PPP2R2D: variants seen among roughly 807,000 people sequenced by gnomAD.
The protein encoded by PPP2R2D is serine/threonine-protein phosphatase 2A 55 kDa regulatory subunit B delta isoform.
PPP2R2D carries 9 observed loss-of-function variants against 31.1 expected under a neutral mutation model. That is an observed-to-expected ratio of 0.29 (90% CI 0.17 to 0.51). The LOEUF (loss-of-function observed/expected upper bound fraction) is 0.51. Ranked by LOEUF, PPP2R2D falls within the 20% of genes least tolerant of loss-of-function variation. The pLI, the probability that PPP2R2D is intolerant of heterozygous loss-of-function variation, is 0.98. For missense variants in PPP2R2D, 391 were observed against 465.6 expected, an observed-to-expected ratio of 0.84 and a Z score of 1.48; for synonymous variants, 179 against 172.6, an observed-to-expected ratio of 1.04 and a Z score of -0.29.
chr10:131,952,568 C>CT (rs1472838621), intron 8 of PPP2R2D, among the ~76,000 whole-genome samples: 2 of 34,920 alleles, frequency 5.7e-5, no homozygotes, highest in Non-Finnish European at 4.5e-5. Flanking sequence ...GGGGGGTTCA[C>CT]TAGTGACTTG....
chr10:131,960,087 G>C (rs1469894909), downstream of PPP2R2D, among the ~76,000 whole-genome samples: 1 of 152,236 alleles, frequency 6.6e-6, no homozygotes, highest in Non-Finnish European at 1.5e-5. Flanking sequence ...CAGCAGTCCT[G>C]TCCGTTTCTG....
intron 2 of PPP2R2D, among the ~76,000 whole-genome samples, chr10:131,928,799 A>G (rs1433916318): frequency 1.3e-5 from 2 of 152,226 alleles, no homozygotes; most frequent in Non-Finnish European, 2.9e-5. Flanking sequence ...GTCTCAGGAT[A>G]TGAGCCATGC....
At chr10:131,904,918 C>G (rs1354449293) in intron 2 of PPP2R2D, among the ~76,000 whole-genome samples, 2 of 151,850 alleles carry the variant, frequency 1.3e-5, no homozygotes, top group Non-Finnish European at 2.9e-5. Context: ...TAGTTTTGGG[C>G]TGGGGAATCA....
At chr10:131,934,139 C>A (rs1589946799) in intron 2 of PPP2R2D, among the ~76,000 whole-genome samples, 1 of 151,688 alleles carries the variant, frequency 6.6e-6, no homozygotes, top group South Asian at 2.1e-4. Context: ...CTATTTTTTT[C>A]TTTTACAGAT....
the PPP2R2D span, chr10:131,968,628 C>T: frequency 1.1e-5 from 16 of 1,449,930 alleles, no homozygotes; most frequent in South Asian, 1.6e-4. Flanking sequence ...GACTGTGTTA[C>T]AGCTGAAACA....
intron 2 of PPP2R2D, chr10:131,912,275 T>G (rs2035697199): frequency 6.6e-6 from 1 of 152,230 alleles, no homozygotes; most frequent in Admixed American, 6.5e-5. Flanking sequence ...CACTGCAGCC[T>G]GATCAGGCTC....
chr10:131,938,206 T>A (rs2036379082), intron 3 of PPP2R2D, among the ~76,000 whole-genome samples: 1 of 152,258 alleles, frequency 6.6e-6, no homozygotes, highest in Admixed American at 6.5e-5. Context: ...CTTCTCCTGA[T>A]ACTTGATCAG....
chr10:131,913,649 G>C (rs1271821258), intron 2 of PPP2R2D, among the ~76,000 whole-genome samples: 1 of 152,130 alleles, frequency 6.6e-6, no homozygotes, highest in Non-Finnish European at 1.5e-5. Flanking sequence ...GCAATGTGTC[G>C]TTAGGCGATT....
intron 3 of PPP2R2D, among the ~76,000 whole-genome samples, chr10:131,936,813 A>G (rs562134048): frequency 7.6e-4 from 116 of 152,326 alleles, no homozygotes; most frequent in African/African-American, 2.6e-3. Flanking sequence ...GACAAACCCC[A>G]GGCAGCCTTT....
In PPP2R2D at chr10:131,947,791, G is replaced by T; in HGVS notation, c.1082G>T (p.Ser361Ile). ...GAGTGTTGCTGGAACGGTTCGGATA[G>T]GTAAGGCCTGCGTGGAGATGAGCTG... The part of the protein sequence containing the change: ...KFECCWNGSD[S>I]AIMTGSYNNF... The change falls in exon 8 of 9, where the codon AGC (serine) becomes ATC (isoleucine). Residue 361 changes from serine to isoleucine, a missense_variant and splice_region_variant. Coordinates refer to ENST00000455566, the MANE Select transcript of PPP2R2D (RefSeq NM_018461.5). This position sits in a 1 kb window ranked among gnomAD's most constrained non-coding sequence, Gnocchi z 4.3. 6.2e-7 allele frequency: 1 copy of T among 1,610,992 alleles called. No homozygotes were observed. Among genetic ancestry groups the T allele is most frequent in the South Asian group, 1.1e-5 (1 of 91,052 alleles).
chr10:131,935,821 T>G (rs564379314), intron 3 of PPP2R2D, among the ~76,000 whole-genome samples: 1 of 152,262 alleles, frequency 6.6e-6, no homozygotes, highest in Admixed American at 6.5e-5. Flanking sequence ...CCCAGCAATT[T>G]GGGAGGCCGA....
At chr10:131,955,652 G>C (rs2036779076) in intron 8 of PPP2R2D, 32 bp from the exon 9 acceptor site, 1 of 1,373,164 alleles carries the variant, frequency 7.3e-7, no homozygotes, top group African/African-American at 1.5e-5. Flanking sequence ...CCCCCACTGA[G>C]GAGTGCTGCT....
intron 2 of PPP2R2D, among the ~76,000 whole-genome samples, chr10:131,907,035 A>G (rs2035600813): frequency 6.6e-6 from 1 of 151,974 alleles, no homozygotes; most frequent in South Asian, 2.1e-4. Context: ...AATGTCTTTT[A>G]TATGTATATA....
At chr10:131,908,611 C>A (rs951515676) in intron 2 of PPP2R2D, among the ~76,000 whole-genome samples, 3 of 152,118 alleles carry the variant, frequency 2.0e-5, no homozygotes, top group Non-Finnish European at 4.4e-5. Flanking sequence ...CCTTTTTCAC[C>A]CTCTTCAGGC....
At position 131,944,084 on chromosome 10, in the gene PPP2R2D, T is replaced by C. The variant is rs572403390; in HGVS notation, c.594T>C (p.Tyr198=). 3.1e-5 allele frequency: 50 copies of C among 1,611,564 alleles called. No individual in the cohort carries two copies. Among genetic ancestry groups the C allele is most frequent in the Non-Finnish European group, 3.9e-5 (46 of 1,178,006 alleles). Residue 198 remains tyrosine (Y), a synonymous_variant, in exon 6 of 9, where the codon TAT becomes TAC. Transcript: ENST00000455566. ...SISVNSDHET[Y]LSADDLRINL... The stretch of plus-strand genomic sequence containing the variant: ...CAGTAAATAGTGATCATGAAACATA[T>C]CTTTCTGCAGATGACCTGAGAATTA...
the PPP2R2D span, chr10:131,970,555 G>GA: frequency 6.6e-7 from 1 of 1,514,708 alleles, no homozygotes; most frequent in Non-Finnish European, 8.9e-7. This position sits in a 1 kb window ranked among gnomAD's most constrained non-coding sequence, Gnocchi z 4.1. Flanking sequence ...TGGACTTCAG[G>GA]AAACAGGTTA....
chr10:131,952,718 G>T lies in PPP2R2D; in HGVS notation c.1083-2966G>T, dbSNP rs1403575360. On this transcript the variant is annotated intron_variant, in intron 8 of 8. Coordinates refer to ENST00000455566, the MANE Select transcript of PPP2R2D (RefSeq NM_018461.5). Reference sequence around the variant, plus strand: ...GGTTCACTGTCTTAGTGACTTGCGGGTGTGCGGGGTTCACTGTCTTAGTGA... The same window carrying T: ...GGTTCACTGTCTTAGTGACTTGCGGTTGTGCGGGGTTCACTGTCTTAGTGA... Among the ~76,000 whole-genome samples, 3 of 108,600 alleles carry T rather than the reference G, an allele frequency of 2.8e-5. No homozygotes were observed. The Admixed American group carries it at 2.8e-4, about 10-fold the overall frequency. 71.2% of individuals were successfully genotyped at this position (108,600 alleles called of 152,430 possible). A position where few individuals can be genotyped will look rare whatever the true frequency, so the allele number is the denominator to read the frequency against.
intron 2 of PPP2R2D, among the ~76,000 whole-genome samples, chr10:131,925,117 CT>C (rs2036079203): frequency 6.6e-6 from 1 of 152,128 alleles, no homozygotes; most frequent in Admixed American, 6.6e-5. Context: ...TATGTTACTC[CT>C]TTTTAATCTG....
chr10:131,902,074 C>T (rs1164447629), intron 2 of PPP2R2D, among the ~76,000 whole-genome samples: 1 of 152,118 alleles, frequency 6.6e-6, no homozygotes, highest in Non-Finnish European at 1.5e-5. Context: ...GTGCCTCCCA[C>T]CCCAGCTTCC....
Sources: allele counts gnomAD v4.1 joint callset (sites outside exome capture counted in the v4.1 genomes callset), GRCh38; gene constraint gnomAD v4.1.1; non-coding constraint Gnocchi (gnomAD v3.1); transcripts MANE v1.5; gene names NCBI Gene and HGNC (gene_info 2026-07-23, HGNC 2026-07-21).